Variants in DCDC1 observed in about 807,000 individuals in gnomAD.
DCDC1 encodes the protein doublecortin domain-containing protein 1.
DCDC1 carries 200 observed loss-of-function variants against 178.3 expected under a neutral mutation model. The observed-to-expected ratio is 1.12, with a 90% confidence interval of 1.00 to 1.26. DCDC1 has a LOEUF of 1.26. Among genes scored for constraint, DCDC1 ranks in the 50% most tolerant of loss-of-function variants. The pLI is 0.00. For synonymous variants in DCDC1, 690 were observed against 604.8 expected (o/e 1.14, Z -2.07); for missense variants, 1,983 against 1,749.2 (o/e 1.13, Z -2.38).
intron 13 of DCDC1, 90 bp downstream of exon 13, chr11:31,106,707 T>C (rs764356988): frequency 2.4e-5 from 17 of 714,490 alleles, no homozygotes; most frequent in Non-Finnish European, 3.7e-5. Flanking sequence ...AAATGTTTCA[T>C]GAAGGGTGCT....
chr11:30,969,956 G>A (rs1030179414), intron 20 of DCDC1, among the ~76,000 whole-genome samples: 1 of 152,072 alleles, frequency 6.6e-6, no homozygotes, highest in Admixed American at 6.5e-5. Context: ...CCAAAATAGT[G>A]GGCAGATTAT....
At chr11:31,329,904 G>T (rs1949874209) in intron 2 of DCDC1, among the ~76,000 whole-genome samples, 1 of 152,056 alleles carries the variant, frequency 6.6e-6, no homozygotes, top group Admixed American at 6.6e-5. Context: ...TAATCCTTTG[G>T]GTATATACCC....
intron 9 of DCDC1, among the ~76,000 whole-genome samples, chr11:31,195,537 C>G (rs1488612031): frequency 3.9e-5 from 6 of 152,066 alleles, no homozygotes; most frequent in Middle Eastern, 3.4e-3. Flanking sequence ...AATCAAGGTC[C>G]TTCTTTCCTT....
At chr11:30,982,533 C>A (rs1044430288) in intron 20 of DCDC1, among the ~76,000 whole-genome samples, 8 of 151,204 alleles carry the variant, frequency 5.3e-5, no homozygotes, top group Non-Finnish European at 1.2e-4. Flanking sequence ...CTAATAAACA[C>A]AATGATGTAA....
intron 5 of DCDC1, 102 bp from the exon 6 acceptor site, chr11:31,305,879 G>GAA (rs1948425236): frequency 7.5e-7 from 1 of 1,336,824 alleles, no homozygotes; most frequent in African/African-American, 1.5e-5. Context: ...AAACCCAATT[G>GAA]AGTCACTTGC....
intron 23 of DCDC1, among the ~76,000 whole-genome samples, chr11:30,924,495 T>C (rs1259914404): frequency 6.6e-6 from 1 of 152,162 alleles, no homozygotes; most frequent in Non-Finnish European, 1.5e-5. Flanking sequence ...ATGCCTCAAA[T>C]TCTATAAATG....
At chr11:31,200,561 T>C (rs1591382893) in intron 9 of DCDC1, among the ~76,000 whole-genome samples, 1 of 152,112 alleles carries the variant, frequency 6.6e-6, no homozygotes, top group East Asian at 1.9e-4. Flanking sequence ...AGTCAATTGT[T>C]AGATCTATAA....
intron 9 of DCDC1, among the ~76,000 whole-genome samples, chr11:31,190,756 G>T (rs1485089063): frequency 1.3e-5 from 2 of 151,900 alleles, no homozygotes; most frequent in African/African-American, 2.4e-5. Flanking sequence ...GTTGTGTTTT[G>T]ATTTTCATTT....
intron 11 of DCDC1, among the ~76,000 whole-genome samples, chr11:31,124,569 C>G (rs1277075704): frequency 6.6e-6 from 1 of 152,106 alleles, no homozygotes; most frequent in Non-Finnish European, 1.5e-5. Context: ...CAGCATGGTA[C>G]TGGTACAAGA....
chr11:31,134,860 G>C (rs1962925043), intron 10 of DCDC1, among the ~76,000 whole-genome samples: 1 of 152,156 alleles, frequency 6.6e-6, no homozygotes, highest in Admixed American at 6.5e-5. Context: ...GCTGGACATG[G>C]TGGTATATGC....
At chr11:31,214,015 A>G (rs1973209087) in intron 9 of DCDC1, among the ~76,000 whole-genome samples, 1 of 152,144 alleles carries the variant, frequency 6.6e-6, no homozygotes, top group East Asian at 1.9e-4. Flanking sequence ...TCCATTTTAT[A>G]ATTTATAAAT....
chr11:31,327,478 T>C (rs1949710230), intron 3 of DCDC1, among the ~76,000 whole-genome samples: 1 of 152,112 alleles, frequency 6.6e-6, no homozygotes, highest in African/African-American at 2.4e-5. Flanking sequence ...CCTCTAGTAT[T>C]GTTTTGAGAA....
Position 30,892,951 on chromosome 11 carries a change from G to C in DCDC1, c.4949C>G (p.Pro1650Arg). Residue 1650 changes from proline to arginine, a missense_variant, in exon 36 of 39, where the codon CCA becomes CGA. Physicochemically the swap from Pro to Arg is moderately radical, Grantham distance 103. Coordinates refer to ENST00000684477, the MANE Select transcript of DCDC1 (RefSeq NM_001387274.1). ...GACTGCTATACGTTTGGTTGCAATT[G>C]GAAAATTTATTTTGGATTCCATTTC... ...IQEMESKINF[P>R]IATKRIAVKP... is the part of the protein sequence containing the mutation. 6.2e-7 allele frequency: 1 copy of C among 1,613,868 alleles called. No individual in the cohort carries two copies. Among genetic ancestry groups the C allele is most frequent in the East Asian group, 2.2e-5 (1 of 44,866 alleles).
intron 28 of DCDC1, among the ~76,000 whole-genome samples, chr11:30,910,911 G>A (rs951244531): frequency 6.6e-6 from 1 of 152,128 alleles, no homozygotes; most frequent in Non-Finnish European, 1.5e-5. Context: ...CCCTGACTAG[G>A]TTCTTTCTCT....
intron 17 of DCDC1, among the ~76,000 whole-genome samples, chr11:31,079,853 A>G (rs1309605330): frequency 1.3e-5 from 2 of 152,200 alleles, no homozygotes; most frequent in African/African-American, 4.8e-5. Context: ...AAATTGGGAA[A>G]AGAAGAGGAA....
rs1391154474 is a variant in DCDC1, at chr11:30,922,626, A to G, written c.3010T>C (p.Cys1004Arg). Residue 1004 changes from cysteine to arginine, a missense_variant, in exon 24 of 39, where the codon TGT becomes CGT. Physicochemically the swap from Cys to Arg is radical, Grantham distance 180. Transcript: ENST00000684477. ...LQRDELVYVS[C>R]GELWINPDLS... is the part of the protein sequence containing the mutation. ...TCAGGATTGATCCAGAGTTCTCCAC[A>G]TGAAACATACACCTATCAAACAAAG... The G allele has an allele frequency of 9.0e-6, 14 of 1,555,612 alleles. No homozygotes were observed. The highest frequency in any genetic ancestry group is 5.0e-5 in the South Asian group (4 of 80,396).
intron 9 of DCDC1, among the ~76,000 whole-genome samples, chr11:31,154,899 T>G (rs1167452734): frequency 1.3e-5 from 2 of 152,228 alleles, no homozygotes; most frequent in Non-Finnish European, 2.9e-5. Flanking sequence ...TACTATGCCC[T>G]ACTACGTGGT....
At chr11:30,949,510 T>C (rs555573385) in intron 21 of DCDC1, among the ~76,000 whole-genome samples, 1 of 152,274 alleles carries the variant, frequency 6.6e-6, no homozygotes, top group African/African-American at 2.4e-5. Flanking sequence ...ACTTGGTATA[T>C]ACCTAAAGAA....
At chr11:31,358,549 C>T (rs1951525475) in intron 1 of DCDC1, among the ~76,000 whole-genome samples, 2 of 151,728 alleles carry the variant, frequency 1.3e-5, no homozygotes, top group African/African-American at 4.8e-5. Context: ...ATGTCTAAAA[C>T]ACCAAAAGCA....
Sources: gnomAD v4.1 joint callset for allele counts (sites outside exome capture counted in the v4.1 genomes callset) on GRCh38, gnomAD v4.1.1 for gene constraint, MANE v1.5 for transcripts, NCBI Gene and HGNC (gene_info 2026-07-23, HGNC 2026-07-21) for gene names.